Variants in TOM1L2 observed in about 807,000 individuals in gnomAD.
The protein encoded by TOM1L2 is target of myb1 like 2 membrane trafficking protein.
TOM1L2 carries 31 observed loss-of-function variants against 67.9 expected under a neutral mutation model. The observed-to-expected ratio is 0.46, with a 90% CI of 0.34 to 0.62. The LOEUF (loss-of-function observed/expected upper bound fraction) is 0.62, where lower values mean the gene tolerates loss of function less well. Among genes scored for constraint, TOM1L2 ranks in the 20% least tolerant of loss-of-function variants. TOM1L2 has a pLI of 0.01. For synonymous variants in TOM1L2, 256 were observed against 254.0 expected, an observed-to-expected ratio of 1.01 and a Z score of -0.07; for missense variants, 606 against 663.5, an observed-to-expected ratio of 0.91 and a Z score of 0.95.
At chr17:17,895,795 T>C (rs2038539222) in intron 3 of TOM1L2, among the ~76,000 whole-genome samples, 1 of 152,194 alleles carries the variant, frequency 6.6e-6, no homozygotes, top group Non-Finnish European at 1.5e-5. Context: ...GTTCCCCCCT[T>C]TGGTCCTTGA....
chr17:17,871,328 G>A (rs527780448), intron 7 of TOM1L2, among the ~76,000 whole-genome samples: 43 of 152,018 alleles, frequency 2.8e-4, no homozygotes, highest in Middle Eastern at 3.4e-3. Flanking sequence ...CCGAGATCAC[G>A]CCACTGCACT....
intron 1 of TOM1L2, among the ~76,000 whole-genome samples, chr17:17,926,162 C>A (rs2040075116): frequency 6.7e-6 from 1 of 148,284 alleles, no homozygotes; most frequent in Non-Finnish European, 1.5e-5. Flanking sequence ...CAGAGTAAAA[C>A]TCTGTCTCTT....
At chr17:17,851,670 G>A (rs1038192671) in intron 12 of TOM1L2, among the ~76,000 whole-genome samples, 4 of 152,212 alleles carry the variant, frequency 2.6e-5, no homozygotes, top group African/African-American at 9.7e-5. Context: ...TCTCTTTAGG[G>A]GAAATTCATG....
Position 17,898,594 on chromosome 17 carries a change from A to G in TOM1L2, c.216+2T>C. ...TCTCTCCTCAAGGAGAATAGCACTC[A>G]CTGTTAATGCCAGCATCACCTCTCT... is the stretch of plus-strand genomic sequence containing the variant. On this transcript the variant is annotated splice_donor_variant, in intron 3 of 14. Coordinates refer to ENST00000379504, the MANE Select transcript of TOM1L2 (RefSeq NM_001082968.2). LOFTEE classifies it high-confidence loss of function. The G allele has an allele frequency of 6.2e-7, 1 of 1,614,212 alleles. No individual in the cohort carries two copies. The highest frequency in any genetic ancestry group is 8.5e-7 in the Non-Finnish European group (1 of 1,180,026).
intron 9 of TOM1L2, 95 bp from the exon 10 acceptor site, chr17:17,866,514 A>G: frequency 3.5e-6 from 5 of 1,436,306 alleles, no homozygotes; most frequent in East Asian, 2.5e-5. Flanking sequence ...TTCCAAGAAG[A>G]AAAGTATCAG....
rs190904963 is a variant in TOM1L2, at chr17:17,871,397, C to T, written c.778-1924G>A. 3.1e-4 allele frequency among the ~76,000 whole-genome samples: 46 copies of T among 149,020 alleles called. No individual in the cohort carries two copies. In the East Asian group the frequency reaches 8.4e-3, roughly 27 times the overall value. On this transcript the variant is annotated intron_variant, in intron 7 of 14. Transcript: ENST00000379504. ...AAAAAAAGTATTCAGAGGCCAAGTG[C>T]GGTGCCTCATGCCTGTAATCCCAGC...
At chr17:17,854,144 C>T (rs903936205) in intron 12 of TOM1L2, among the ~76,000 whole-genome samples, 1 of 152,244 alleles carries the variant, frequency 6.6e-6, no homozygotes, top group African/African-American at 2.4e-5. Context: ...ATCTAAACCT[C>T]TTGTCCTGGT....
chr17:17,959,107 G>A (rs2041588007), intron 1 of TOM1L2, among the ~76,000 whole-genome samples: 1 of 152,196 alleles, frequency 6.6e-6, no homozygotes, highest in South Asian at 2.1e-4. Context: ...TGTAAGTAAA[G>A]TGTTGTCCTG....
intron 7 of TOM1L2, among the ~76,000 whole-genome samples, chr17:17,876,411 T>G (rs566974683): frequency 9.3e-4 from 142 of 152,344 alleles, no homozygotes; most frequent in African/African-American, 2.6e-3. Context: ...AAATGCCACA[T>G]TTGTTCCATG....
intron 1 of TOM1L2, among the ~76,000 whole-genome samples, chr17:17,931,483 G>C (rs1464657228): frequency 2.0e-5 from 3 of 152,154 alleles, no homozygotes; most frequent in Non-Finnish European, 4.4e-5. Context: ...ACAGAAACAG[G>C]GCCTGGCACA....
intron 1 of TOM1L2, among the ~76,000 whole-genome samples, chr17:17,946,309 ACT>A (rs761384051): frequency 1.5e-4 from 23 of 152,032 alleles, no homozygotes; most frequent in Admixed American, 2.0e-4. Context: ...CCACTATGTA[ACT>A]CTAGAATATA....
At chr17:17,856,775 A>G (rs1273943278) in intron 12 of TOM1L2, among the ~76,000 whole-genome samples, 2 of 152,206 alleles carry the variant, frequency 1.3e-5, no homozygotes, top group Non-Finnish European at 2.9e-5. Flanking sequence ...CCCAAGACAT[A>G]CAGCCTGAGA....
At chr17:17,851,885 C>T (rs1281228682) in intron 12 of TOM1L2, among the ~76,000 whole-genome samples, 1 of 152,148 alleles carries the variant, frequency 6.6e-6, no homozygotes, top group African/African-American at 2.4e-5. Flanking sequence ...GCCCCTGTGC[C>T]AAGCACCTCA....
chr17:17,879,449 T>A (rs997124060), intron 7 of TOM1L2, among the ~76,000 whole-genome samples, 178 bp downstream of exon 7: 15 of 152,204 alleles, frequency 9.9e-5, no homozygotes, highest in Non-Finnish European at 7.3e-5. Flanking sequence ...CAGACAGTGG[T>A]ACTGGCCTCT....
intron 1 of TOM1L2, among the ~76,000 whole-genome samples, chr17:17,909,047 G>C (rs2039223348): frequency 6.6e-6 from 1 of 152,140 alleles, no homozygotes; most frequent in African/African-American, 2.4e-5. Flanking sequence ...CAGGTGTGGT[G>C]GTGGGCACCT....
intron 3 of TOM1L2, among the ~76,000 whole-genome samples, chr17:17,895,133 T>TGTA (rs918562086): frequency 6.6e-6 from 1 of 152,158 alleles, no homozygotes; most frequent in Non-Finnish European, 1.5e-5. Flanking sequence ...AGGACAGGTA[T>TGTA]GTAGCCTCTT....
rs532372325 is a variant in TOM1L2, at chr17:17,917,312, C to T, written c.53-9781G>A. ...TCACATCACTGCACTCCAGCCTGGG[C>T]GACAGAGCAAGACCCCATCTCAAAA... On this transcript the variant is annotated intron_variant, in intron 1 of 14. Transcript: ENST00000379504. Among the ~76,000 whole-genome samples, 576 of 151,312 alleles carry T rather than the reference C, an allele frequency of 3.8e-3. 3 individuals carry two copies. Among genetic ancestry groups the T allele is most frequent in the Middle Eastern group, 6.9e-3 (2 of 290 alleles).
At chr17:17,919,713 T>C (rs546350399) in intron 1 of TOM1L2, among the ~76,000 whole-genome samples, 6 of 152,266 alleles carry the variant, frequency 3.9e-5, no homozygotes, top group African/African-American at 1.4e-4. Flanking sequence ...AAAGCTACCA[T>C]TGAACCACTG....
At chr17:17,900,072 GTGTGGTGGCAGCTGCC>G (rs1041396020) in intron 2 of TOM1L2, among the ~76,000 whole-genome samples, 2 of 151,950 alleles carry the variant, frequency 1.3e-5, no homozygotes, top group African/African-American at 4.8e-5. Context: ...AATTAGCTGG[GTGTGGTGGCAGCTGCC>G]TGTAATCCTA....
Sources: allele counts gnomAD v4.1 joint callset (sites outside exome capture counted in the v4.1 genomes callset), GRCh38; gene constraint gnomAD v4.1.1; transcripts MANE v1.5; gene names NCBI Gene and HGNC (gene_info 2026-07-23, HGNC 2026-07-21).